The following MICU2 variants were observed in gnomAD, a reference collection of about 807,000 sequenced individuals.
MICU2 encodes the protein mitochondrial calcium uptake 2, also known as calcium uptake protein 2, mitochondrial.
In MICU2, 64 loss-of-function variants were observed where a neutral mutation model predicts 60.4. The ratio of observed to expected loss-of-function variants is 1.06; its 90% CI spans 0.87 to 1.31. The LOEUF is 1.31. Among genes scored for constraint, MICU2 ranks in the 50% most tolerant of loss-of-function variants. The pLI is 0.00. For synonymous variants in MICU2, 201 were observed against 175.0 expected (o/e 1.15, Z -1.17); for missense variants, 569 against 531.0 (o/e 1.07, Z -0.70).
intron 2 of MICU2, chr13:21,551,242 C>G (rs1887554442): frequency 6.6e-6 from 1 of 152,450 alleles, no homozygotes; most frequent in Non-Finnish European, 1.5e-5. Context: ...CAGCTGAACA[C>G]AGTGGAGAAA....
At chr13:21,567,605 A>G (rs928674809) in intron 1 of MICU2, among the ~76,000 whole-genome samples, 6 of 152,222 alleles carry the variant, frequency 3.9e-5, no homozygotes, top group African/African-American at 1.4e-4. Flanking sequence ...AAGGATGGGT[A>G]AAATATTGCA....
intron 7 of MICU2, among the ~76,000 whole-genome samples, chr13:21,512,671 G>A (rs1270592360): frequency 1.3e-5 from 2 of 151,848 alleles, no homozygotes; most frequent in Admixed American, 6.6e-5. Flanking sequence ...GGATGGTCTC[G>A]ATCTCCTGAC....
At chr13:21,539,025 C>G (rs559482851) in intron 4 of MICU2, among the ~76,000 whole-genome samples, 93 of 139,368 alleles carry the variant, frequency 6.7e-4, no homozygotes, top group Non-Finnish European at 1.4e-3. Context: ...GACCTCTTTC[C>G]GTCCACTCCC....
chr13:21,507,391 AAT>A (rs1371333123), intron 8 of MICU2, among the ~76,000 whole-genome samples: 1 of 152,194 alleles, frequency 6.6e-6, no homozygotes, highest in East Asian at 1.9e-4. Flanking sequence ...GTAATATGAC[AAT>A]ATCAGTATTA....
chr13:21,571,648 A>C (rs773947556), intron 1 of MICU2, among the ~76,000 whole-genome samples: 1 of 152,262 alleles, frequency 6.6e-6, no homozygotes, highest in Non-Finnish European at 1.5e-5. Context: ...CAGTGAGCCA[A>C]GATCGTGCCA....
chr13:21,584,596 T>C (rs1888419701), intron 1 of MICU2, among the ~76,000 whole-genome samples: 2 of 152,168 alleles, frequency 1.3e-5, no homozygotes, highest in African/African-American at 4.8e-5. Flanking sequence ...CACATATCTA[T>C]GGAACTTTCA....
At chr13:21,534,818 CAG>C (rs1192971945) in intron 4 of MICU2, among the ~76,000 whole-genome samples, 2 of 152,094 alleles carry the variant, frequency 1.3e-5, no homozygotes, top group Non-Finnish European at 2.9e-5. Flanking sequence ...GATTAGAAAT[CAG>C]AGAGTACAGT....
intron 4 of MICU2, among the ~76,000 whole-genome samples, chr13:21,536,110 G>A (rs1172104034): frequency 6.6e-6 from 1 of 152,128 alleles, no homozygotes. Context: ...ATTGGTAAAG[G>A]GTGGGGTGAA....
intron 1 of MICU2, among the ~76,000 whole-genome samples, chr13:21,575,066 T>C (rs770817826): frequency 2.0e-5 from 3 of 152,232 alleles, no homozygotes; most frequent in South Asian, 2.1e-4. Context: ...GTCTGATCTA[T>C]GATGGTCTAG....
At chr13:21,562,115 T>TG (rs1283389734) in intron 2 of MICU2, among the ~76,000 whole-genome samples, 2 of 151,886 alleles carry the variant, frequency 1.3e-5, no homozygotes, top group Non-Finnish European at 2.9e-5. Flanking sequence ...CTATCATTGT[T>TG]GGACATTTGG....
At position 21,531,107 on chromosome 13, in the gene MICU2, T is replaced by G. The variant is rs189342377; in HGVS notation, c.466+8195A>C. The G allele has an allele frequency of 1.6e-4, 155 of 955,748 alleles. No individual in the cohort carries two copies. In the African/African-American group the frequency reaches 2.1e-3, roughly 13 times the overall value. 59.2% of individuals were successfully genotyped at this position (955,748 alleles called of 1,614,324 possible). Reference sequence around the variant, plus strand: ...TACTTGATTTACAACCAAGGCATAGTTCCCCCTACCTAATTGCCTTTCTTG... The same window carrying G: ...TACTTGATTTACAACCAAGGCATAGGTCCCCCTACCTAATTGCCTTTCTTG... On this transcript the variant is annotated intron_variant, in intron 4 of 11. Coordinates refer to ENST00000382374, the MANE Select transcript of MICU2 (RefSeq NM_152726.3).
At chr13:21,552,234 T>C (rs2138020374) in intron 2 of MICU2, among the ~76,000 whole-genome samples, 1 of 152,356 alleles carries the variant, frequency 6.6e-6, no homozygotes, top group Non-Finnish European at 1.5e-5. Context: ...AATGTCTTCT[T>C]TTGAGAAGTG....
intron 10 of MICU2, chr13:21,495,660 TGA>T: frequency 4.3e-6 from 1 of 230,246 alleles, no homozygotes; most frequent in Non-Finnish European, 8.4e-6. Flanking sequence ...CTCGGCCTCC[TGA>T]ATAGCTGGGA....
intron 1 of MICU2, among the ~76,000 whole-genome samples, chr13:21,579,489 C>A (rs559728999): frequency 5.3e-5 from 8 of 152,058 alleles, no homozygotes; most frequent in Non-Finnish European, 1.2e-4. Context: ...TACAGGCTCC[C>A]GCCACCACGC....
chr13:21,565,644 C>G (rs536197494), intron 2 of MICU2, among the ~76,000 whole-genome samples: 2 of 152,130 alleles, frequency 1.3e-5, no homozygotes, highest in South Asian at 4.1e-4. Context: ...GGCGACAGAG[C>G]GAGACTCCGT....
Position 21,498,369 on chromosome 13 carries a change from CTTTTTTTTTTTTT to C in MICU2, c.934-2222_934-2210del, listed in dbSNP as rs34890922. Among the ~76,000 whole-genome samples, 348 of 78,592 alleles carry C rather than the reference CTTTTTTTTTTTTT, an allele frequency of 4.4e-3. 1 individual carries two copies. Among genetic ancestry groups the C allele is most frequent in the South Asian group, 0.01 (15 of 1,494 alleles). 51.6% of individuals were successfully genotyped at this position (78,592 alleles called of 152,430 possible). A position where few individuals can be genotyped will look rare whatever the true frequency, so the allele number is the denominator to read the frequency against. On this transcript the variant is annotated intron_variant, in intron 9 of 11. Transcript: ENST00000382374. Reference sequence around the variant, plus strand: ...TGTCTCCATCCAGAAATATCCTATTCTTTTTTTTTTTTTTTTTTTTTTTTTTTTTGAGACAGTC... The same window carrying C: ...TGTCTCCATCCAGAAATATCCTATTCTTTTTTTTTTTTTTTTGAGACAGTC...
In MICU2 at chr13:21,495,326, A is replaced by C. The variant is rs765472186; in HGVS notation, c.1043-8T>G. 7 of 1,576,824 alleles carry C rather than the reference A, an allele frequency of 4.4e-6. No individual in the cohort carries two copies. In the South Asian group the frequency reaches 8.3e-5, roughly 19 times the overall value. On this transcript the variant is annotated splice_polypyrimidine_tract_variant and splice_region_variant and intron_variant, in intron 10 of 11. Coordinates refer to ENST00000382374, the MANE Select transcript of MICU2 (RefSeq NM_152726.3). ...CAGCTCTCTTAAACTCCGCTAAAAA[A>C]CAAACATAAAACAACTTATCAACTA...
chr13:21,511,082 G>T (rs1287970248), intron 7 of MICU2, among the ~76,000 whole-genome samples: 2 of 152,192 alleles, frequency 1.3e-5, no homozygotes, highest in East Asian at 3.9e-4. Flanking sequence ...GGAGGGTGGA[G>T]TGGGCTGTGA....
intron 1 of MICU2, among the ~76,000 whole-genome samples, chr13:21,596,429 C>CT (rs373445165): frequency 0.19 from 27,058 of 144,956 alleles, 3,198 homozygotes; most frequent in Non-Finnish European, 0.28. Context: ...CATTCAGGTT[C>CT]TTTTTTTTTT....
Sources: allele counts gnomAD v4.1 joint callset (sites outside exome capture counted in the v4.1 genomes callset), GRCh38; gene constraint gnomAD v4.1.1; transcripts MANE v1.5; gene names NCBI Gene and HGNC (gene_info 2026-07-23, HGNC 2026-07-21).